PHF24: variants seen among roughly 807,000 people sequenced by gnomAD.
PHF24 encodes the protein Galpha inhibitory interacting protein.
In PHF24, 25 loss-of-function variants were observed where a neutral mutation model predicts 42.6. The observed-to-expected ratio is 0.59, with a 90% CI of 0.43 to 0.82. The LOEUF is 0.82. PHF24 is among the 40% of genes least tolerant of loss of function. The pLI is 0.00. For synonymous variants in PHF24, 185 were observed against 204.8 expected (o/e 0.90, Z 0.83); for missense variants, 470 against 538.1 (o/e 0.87, Z 1.25).
At chr9:34,948,248 T>G in the PHF24 span, among the ~76,000 whole-genome samples, 4 of 152,002 alleles carry the variant, frequency 2.6e-5, no homozygotes, top group African/African-American at 9.7e-5. Flanking sequence ...TTTTAAAAAT[T>G]GAAAAGTGTA....
At chr9:34,822,814 T>G in the PHF24 span, among the ~76,000 whole-genome samples, 1 of 152,160 alleles carries the variant, frequency 6.6e-6, no homozygotes, top group Admixed American at 6.5e-5. Flanking sequence ...AGCCCAGCAT[T>G]TGGTGAGGTG....
the PHF24 span, among the ~76,000 whole-genome samples, chr9:34,867,413 G>A: frequency 6.7e-6 from 1 of 149,300 alleles, no homozygotes; most frequent in African/African-American, 2.5e-5. Flanking sequence ...ATGGAGAGAG[G>A]TGGGGAGGTA....
At chr9:34,853,872 C>T in the PHF24 span, among the ~76,000 whole-genome samples, 10 of 151,086 alleles carry the variant, frequency 6.6e-5, no homozygotes, top group African/African-American at 2.4e-4. Flanking sequence ...CTTCTTTGTA[C>T]CTCTGGTAGG....
At chr9:34,775,855 C>T in the PHF24 span, among the ~76,000 whole-genome samples, 12 of 152,086 alleles carry the variant, frequency 7.9e-5, no homozygotes, top group Non-Finnish European at 1.6e-4. Context: ...ACCTAAATGC[C>T]CAGCACTGAA....
the PHF24 span, among the ~76,000 whole-genome samples, chr9:34,813,427 C>T: frequency 6.6e-5 from 10 of 152,114 alleles, no homozygotes; most frequent in Admixed American, 1.3e-4. Flanking sequence ...ACAGTTTCTG[C>T]GGGTCAGGAG....
At chr9:34,869,753 G>C in the PHF24 span, among the ~76,000 whole-genome samples, 1 of 152,110 alleles carries the variant, frequency 6.6e-6, no homozygotes, top group Non-Finnish European at 1.5e-5. Context: ...ACCAAGGAAA[G>C]ATTCAGGCTA....
At chr9:34,858,365 T>C in the PHF24 span, among the ~76,000 whole-genome samples, 1 of 152,142 alleles carries the variant, frequency 6.6e-6, no homozygotes, top group Non-Finnish European at 1.5e-5. Context: ...CAGGCTGGCT[T>C]GGTGCCTGCT....
At chr9:34,706,631 G>A in the PHF24 span, among the ~76,000 whole-genome samples, 2 of 152,198 alleles carry the variant, frequency 1.3e-5, no homozygotes, top group Non-Finnish European at 2.9e-5. Context: ...ATAATATATT[G>A]CATGCTTACT....
chr9:34,729,046 C>T, the PHF24 span, among the ~76,000 whole-genome samples: 15 of 152,182 alleles, frequency 9.9e-5, no homozygotes, highest in African/African-American at 3.6e-4. Flanking sequence ...GCAAGATAGA[C>T]TTCATATTAT....
chr9:34,812,253 C>A, the PHF24 span, among the ~76,000 whole-genome samples: 1 of 152,058 alleles, frequency 6.6e-6, no homozygotes, highest in Non-Finnish European at 1.5e-5. Context: ...GAGATATTAC[C>A]TCATACCCAG....
the PHF24 span, among the ~76,000 whole-genome samples, chr9:34,706,919 G>A: frequency 2.2e-4 from 33 of 151,842 alleles, no homozygotes; most frequent in African/African-American, 7.5e-4. Flanking sequence ...GAGCCCAGGA[G>A]TTTGAGGTTA....
chr9:34,908,317 C>G, the PHF24 span, among the ~76,000 whole-genome samples: 2 of 152,014 alleles, frequency 1.3e-5, no homozygotes, highest in Admixed American at 1.3e-4. Context: ...ATTCATTGAT[C>G]CCTCAAATTT....
At chr9:34,875,936 ACACACACACACACACTCTCT>A in the PHF24 span, among the ~76,000 whole-genome samples, 3 of 87,786 alleles carry the variant, frequency 3.4e-5, no homozygotes, top group African/African-American at 1.4e-4. Context: ...ACACACACAC[ACACACACACACACACTCTCT>A]CTCTCTCTCT....
the PHF24 span, chr9:34,665,665 G>A: frequency 2.9e-6 from 2 of 701,118 alleles, no homozygotes; most frequent in Non-Finnish European, 5.2e-6. Context: ...GACATGTCCT[G>A]GGCTCCGAAC....
At chr9:34,751,869 A>T in the PHF24 span, among the ~76,000 whole-genome samples, 1 of 152,338 alleles carries the variant, frequency 6.6e-6, no homozygotes, top group African/African-American at 2.4e-5. Flanking sequence ...AGCACAATGG[A>T]ATAAAACTAG....
the PHF24 span, among the ~76,000 whole-genome samples, chr9:34,701,163 C>T: frequency 1.3e-5 from 2 of 152,136 alleles, no homozygotes; most frequent in Non-Finnish European, 2.9e-5. This position sits in a 1 kb window ranked among gnomAD's most constrained non-coding sequence, Gnocchi z 5.8. Flanking sequence ...GGAGCCTGCC[C>T]AACTTTCGTG....
the PHF24 span, among the ~76,000 whole-genome samples, chr9:34,892,124 A>G: frequency 6.6e-6 from 1 of 152,180 alleles, no homozygotes; most frequent in Non-Finnish European, 1.5e-5. Context: ...GTAGCTACAG[A>G]TGTGGCACAT....
At chr9:34,862,707 C>T in the PHF24 span, among the ~76,000 whole-genome samples, 1,140 of 151,896 alleles carry the variant, frequency 7.5e-3, 21 homozygotes, top group African/African-American at 0.026. Flanking sequence ...TGAGACTCAG[C>T]GAATTCCCAG....
At chr9:34,772,511 G>T in the PHF24 span, among the ~76,000 whole-genome samples, 1 of 151,940 alleles carries the variant, frequency 6.6e-6, no homozygotes, top group Non-Finnish European at 1.5e-5. Flanking sequence ...ATTCATACAA[G>T]ATATATAAAA....
Sources: allele counts gnomAD v4.1 joint callset (sites outside exome capture counted in the v4.1 genomes callset), GRCh38; gene constraint gnomAD v4.1.1; non-coding constraint Gnocchi (gnomAD v3.1); transcripts MANE v1.5; gene names NCBI Gene and HGNC (gene_info 2026-07-23, HGNC 2026-07-21).